Variants in LHPP observed in about 807,000 individuals in gnomAD.
The protein encoded by LHPP is hLHPP.
LHPP carries 24 observed loss-of-function variants against 30.3 expected under a neutral mutation model. That is an observed-to-expected ratio of 0.79 (90% CI 0.57 to 1.11). The LOEUF is 1.11. Ranked by LOEUF, LHPP falls within the 50% of genes most tolerant of loss-of-function variation. The pLI, the probability that LHPP is intolerant of heterozygous loss-of-function variation, is 0.00. For missense variants in LHPP, 356 were observed against 367.2 expected (o/e 0.97, Z 0.25); for synonymous variants, 150 against 157.1 (o/e 0.95, Z 0.34).
At chr10:124,579,577 G>C (rs969083010) in intron 6 of LHPP, among the ~76,000 whole-genome samples, 1 of 152,196 alleles carries the variant, frequency 6.6e-6, no homozygotes, top group Non-Finnish European at 1.5e-5. Context: ...AGCTCTGGAT[G>C]TGTCTCCTTG....
At chr10:124,498,620 G>A (rs2133876070) in intron 5 of LHPP, 1 of 694,560 alleles carries the variant, frequency 1.4e-6, no homozygotes, top group Admixed American at 2.5e-5. Flanking sequence ...AACCCTAAGT[G>A]AGTCTGGCTT....
chr10:124,602,584 G>A lies in LHPP; in HGVS notation c.717-10680G>A, dbSNP rs552786104. On this transcript the variant is annotated intron_variant, in intron 6 of 6. Transcript: ENST00000368842. The stretch of plus-strand genomic sequence containing the variant: ...TTTACCCACTAGGGCTCAGAGCCCT[G>A]GGGGACTGGCTCAGTGAGTGCCTCC... 3.4e-5 allele frequency among the ~76,000 whole-genome samples: 5 copies of A among 147,564 alleles called. No homozygotes were observed. In the South Asian group the frequency reaches 1.1e-3, roughly 32 times the overall value.
chr10:124,553,991 T>C (rs1948239125), intron 6 of LHPP: 1 of 985,314 alleles, frequency 1.0e-6, no homozygotes, highest in African/African-American at 1.7e-5. Context: ...GGCGCTCCTG[T>C]GGACAGCTCC....
intron 5 of LHPP, among the ~76,000 whole-genome samples, chr10:124,511,785 G>A (rs912585399): frequency 1.3e-5 from 2 of 152,154 alleles, no homozygotes; most frequent in African/African-American, 2.4e-5. Flanking sequence ...TTTGGGAGAC[G>A]GTTCCCAGGA....
chr10:124,484,110 T>C (rs776773584), intron 1 of LHPP, 29 bp from the exon 2 acceptor site: 8 of 1,608,484 alleles, frequency 5.0e-6, no homozygotes, highest in Non-Finnish European at 6.8e-6. Context: ...ACGTGCTGAC[T>C]TCCCGGGCCT....
intron 3 of LHPP, among the ~76,000 whole-genome samples, chr10:124,491,358 C>T (rs1012979282): frequency 3.9e-5 from 6 of 152,154 alleles, no homozygotes; most frequent in African/African-American, 1.2e-4. Flanking sequence ...CTGATGGAAC[C>T]GACAGGGAGG....
chr10:124,578,162 T>A (rs1199412441), intron 6 of LHPP, among the ~76,000 whole-genome samples: 1 of 152,196 alleles, frequency 6.6e-6, no homozygotes, highest in Admixed American at 6.5e-5. Context: ...CACCACATGC[T>A]GTCACCTCCA....
chr10:124,468,770 G>A (rs1172318016), intron 1 of LHPP, among the ~76,000 whole-genome samples: 2 of 152,168 alleles, frequency 1.3e-5, no homozygotes, highest in East Asian at 3.9e-4. Context: ...TAAGGGCAAG[G>A]CCCCTCCACT....
At chr10:124,475,743 T>G (rs1952923041) in intron 1 of LHPP, among the ~76,000 whole-genome samples, 1 of 151,678 alleles carries the variant, frequency 6.6e-6, no homozygotes, top group Non-Finnish European at 1.5e-5. Context: ...CTTTGTCCCC[T>G]GCAGCCACCA....
In LHPP at chr10:124,593,213, G is replaced by A. The variant is rs575732635; in HGVS notation, c.717-20051G>A. Among the ~76,000 whole-genome samples, 12 of 152,284 alleles carry A rather than the reference G, an allele frequency of 7.9e-5. No individual in the cohort carries two copies. The South Asian group carries it at 1.9e-3, about 24-fold the overall frequency. Reference sequence around the variant, plus strand: ...ATTGCAAGTCCAGACAGAAGAGAGCGTCCTGGGAAGCCAGCTGAGAGCACC... The same window carrying A: ...ATTGCAAGTCCAGACAGAAGAGAGCATCCTGGGAAGCCAGCTGAGAGCACC... On this transcript the variant is annotated intron_variant, in intron 6 of 6. Coordinates refer to ENST00000368842, the MANE Select transcript of LHPP (RefSeq NM_022126.4). This position sits in a 1 kb window ranked among gnomAD's most constrained non-coding sequence, Gnocchi z 4.9.
intron 6 of LHPP, among the ~76,000 whole-genome samples, chr10:124,604,218 C>T (rs1417027415): frequency 6.6e-6 from 1 of 152,218 alleles, no homozygotes; most frequent in African/African-American, 2.4e-5. Flanking sequence ...AGCAGCCTGC[C>T]TGAGATCTGT....
At chr10:124,602,304 C>T (rs1199609292) in intron 6 of LHPP, among the ~76,000 whole-genome samples, 25 of 152,254 alleles carry the variant, frequency 1.6e-4, no homozygotes, top group Admixed American at 1.6e-3. Flanking sequence ...GTGCGCACCC[C>T]ATGGCGCGCT....
intron 3 of LHPP, among the ~76,000 whole-genome samples, chr10:124,494,545 C>T (rs1953644667): frequency 6.6e-6 from 1 of 152,198 alleles, no homozygotes; most frequent in African/African-American, 2.4e-5. Context: ...CTTCTCCTGG[C>T]ACAGGTGGGC....
intron 6 of LHPP, among the ~76,000 whole-genome samples, chr10:124,552,667 G>C (rs887334894): frequency 1.3e-5 from 2 of 152,286 alleles, no homozygotes; most frequent in Admixed American, 1.3e-4. Context: ...ATCGGGTCTA[G>C]ATGGACTGGA....
rs997244115 is a variant in LHPP, at chr10:124,504,308, C to T, written c.624+6180C>T. Among the ~76,000 whole-genome samples, 5 of 151,822 alleles carry T rather than the reference C, an allele frequency of 3.3e-5. No homozygotes were observed. The East Asian group carries it at 7.7e-4, about 23-fold the overall frequency. On this transcript the variant is annotated intron_variant, in intron 5 of 6. Transcript: ENST00000368842. ...CCTGCCACTGCCTGGAAAATAAGAC[C>T]TGGCCAGGTGCCATGGCTCACGCCT...
At chr10:124,563,746 GA>G (rs1473421957) in intron 6 of LHPP, among the ~76,000 whole-genome samples, 1 of 152,156 alleles carries the variant, frequency 6.6e-6, no homozygotes, top group Non-Finnish European at 1.5e-5. Flanking sequence ...ACAAGAAAAA[GA>G]AAAGCCTTTG....
intron 6 of LHPP, among the ~76,000 whole-genome samples, chr10:124,611,196 G>C (rs1949193404): frequency 6.6e-6 from 1 of 152,044 alleles, no homozygotes; most frequent in Admixed American, 6.6e-5. Context: ...CCTGCTTGGA[G>C]CGGGTGCTGG....
At chr10:124,492,454 C>T (rs1035972436) in intron 3 of LHPP, among the ~76,000 whole-genome samples, 4 of 152,196 alleles carry the variant, frequency 2.6e-5, no homozygotes, top group South Asian at 2.1e-4. Flanking sequence ...CAGGAATGCG[C>T]GCAGCAGAGT....
At chr10:124,491,003 G>T (rs1228375699) in intron 3 of LHPP, among the ~76,000 whole-genome samples, 1 of 151,812 alleles carries the variant, frequency 6.6e-6, no homozygotes, top group African/African-American at 2.4e-5. Context: ...ACAGGGTTCT[G>T]CACAGCTAGA....
Sources: gnomAD v4.1 joint callset for allele counts (sites outside exome capture counted in the v4.1 genomes callset) on GRCh38, gnomAD v4.1.1 for gene constraint, Gnocchi (gnomAD v3.1) non-coding constraint, MANE v1.5 for transcripts, NCBI Gene and HGNC (gene_info 2026-07-23, HGNC 2026-07-21) for gene names.